Variants in RGS20 observed in about 807,000 individuals in gnomAD.
RGS20 encodes gz-selective GTPase-activating protein.
RGS20 carries 30 observed loss-of-function variants against 33.6 expected under a neutral mutation model. The observed-to-expected ratio is 0.89, with a 90% CI of 0.67 to 1.21. The LOEUF (loss-of-function observed/expected upper bound fraction) is 1.21. Among genes scored for constraint, RGS20 ranks in the 50% most tolerant of loss-of-function variants. The probability of loss-of-function intolerance (pLI) is 0.00; values close to 1 mark genes in which losing one functional copy is unlikely to be tolerated. For missense variants in RGS20, 472 were observed against 502.4 expected (o/e 0.94, Z 0.58); for synonymous variants, 208 against 197.9 (o/e 1.05, Z -0.43).
chr8:53,939,620 C>T lies in RGS20; in HGVS notation c.555C>T (p.Pro185=), dbSNP rs1814230223. 3.1e-6 allele frequency: 5 copies of T among 1,604,190 alleles called. No homozygotes were observed. In the Admixed American group the frequency reaches 6.8e-5, roughly 22 times the overall value. The change falls in exon 3 of 6, where the codon CCC becomes CCT. Residue 185 remains proline (P), a synonymous_variant. Coordinates refer to ENST00000297313, the MANE Select transcript of RGS20 (RefSeq NM_170587.4). ...TGGAGATGCGGAAGCGGCAGATGCC[C>T]GCCGCCCAGGACACACCAGGCGCCG...
intron 4 of RGS20, among the ~76,000 whole-genome samples, chr8:53,950,625 T>G (rs141071966): frequency 5.0e-4 from 76 of 152,174 alleles, no homozygotes; most frequent in Non-Finnish European, 9.4e-4. Context: ...GTTTTGTTTT[T>G]TTTTTTTTAG....
chr8:53,943,243 TC>T (rs1292322881), intron 3 of RGS20, among the ~76,000 whole-genome samples: 3 of 152,152 alleles, frequency 2.0e-5, no homozygotes, highest in Non-Finnish European at 4.4e-5. Flanking sequence ...TTGTTTTTTT[TC>T]ACCACACTTT....
At chr8:53,915,361 T>C (rs536992583) in intron 2 of RGS20, among the ~76,000 whole-genome samples, 1 of 152,112 alleles carries the variant, frequency 6.6e-6, no homozygotes, top group East Asian at 1.9e-4. Context: ...TATTGGTCAA[T>C]GGGAGTTCAG....
chr8:53,879,841 T>A (rs1458013213), intron 2 of RGS20: 1 of 425,022 alleles, frequency 2.4e-6, no homozygotes, highest in Non-Finnish European at 4.1e-6. Flanking sequence ...GCCATTTCCT[T>A]TCCATGGTCC....
At chr8:53,870,871 G>A (rs1812047029) in intron 1 of RGS20, among the ~76,000 whole-genome samples, 1 of 151,976 alleles carries the variant, frequency 6.6e-6, no homozygotes, top group Non-Finnish European at 1.5e-5. Context: ...CCAGCACTTT[G>A]GGAGGCTGAG....
In RGS20 at chr8:53,958,400, A is replaced by G. The variant is rs1814938031; in HGVS notation, c.1109A>G (p.Asn370Ser). The change falls in exon 6 of 6, where the codon AAC becomes AGC. Residue 370 changes from asparagine (N) to serine (S), a missense_variant. Around this residue, in one of 3 missense-constraint regions of RGS20, gnomAD observed 125 missense variants for 169.5 expected, o/e 0.74. Coordinates refer to ENST00000297313, the MANE Select transcript of RGS20 (RefSeq NM_170587.4). ...AGAGACTCATATCCTCGATTCATGA[A>G]CTCTGCTGTCTATAAGGACTTGCTT... 6.2e-7 allele frequency: 1 copy of G among 1,613,142 alleles called. No homozygotes were observed. The highest frequency in any genetic ancestry group is 1.3e-5 in the African/African-American group (1 of 74,870).
intron 4 of RGS20, among the ~76,000 whole-genome samples, chr8:53,947,332 T>TAA (rs1814527012): frequency 7.4e-6 from 1 of 135,782 alleles, no homozygotes; most frequent in Non-Finnish European, 1.5e-5. Context: ...ATATATGCTA[T>TAA]ATATAAGATA....
Position 53,879,536 on chromosome 8 carries a change from G to GC in RGS20, c.451dup (p.His151ProfsTer67), listed in dbSNP as rs35570213. 4.8e-5 allele frequency: 74 copies of GC among 1,541,744 alleles called. No homozygotes were observed. Among genetic ancestry groups the GC allele is most frequent in the African/African-American group, 2.5e-4 (18 of 71,808 alleles). On this transcript the variant is annotated frameshift_variant, in exon 2 of 6. Coordinates refer to ENST00000297313, the MANE Select transcript of RGS20 (RefSeq NM_170587.4). LOFTEE classifies it high-confidence loss of function. ...GACCCTCGGGGGGTCGTCCGCTGAG[G>GC]CCCCCCCATCCGGTAGCCAAGCCCA...
chr8:53,946,540 T>A (rs1785841168), intron 3 of RGS20, 125 bp from the exon 3 acceptor site: 1 of 853,196 alleles, frequency 1.2e-6, no homozygotes, highest in Non-Finnish European at 2.0e-6. Flanking sequence ...GGTCATTTTT[T>A]TTTCCAAGTA....
chr8:53,940,912 G>A (rs1401246652), intron 3 of RGS20, among the ~76,000 whole-genome samples: 1 of 152,186 alleles, frequency 6.6e-6, no homozygotes, highest in South Asian at 2.1e-4. Context: ...CACCAGTGAT[G>A]GCCAGACTGC....
intron 4 of RGS20, among the ~76,000 whole-genome samples, chr8:53,953,689 G>C (rs915176530): frequency 1.3e-5 from 2 of 151,862 alleles, no homozygotes; most frequent in African/African-American, 4.8e-5. Context: ...TGTCAAATCT[G>C]ACTTAGTTCT....
At chr8:53,949,236 A>G (rs549573538) in intron 4 of RGS20, among the ~76,000 whole-genome samples, 64 of 147,034 alleles carry the variant, frequency 4.4e-4, no homozygotes, top group African/African-American at 1.4e-3. Context: ...TATACTATAT[A>G]TAAGATACAG....
At chr8:53,949,452 C>T (rs1814648970) in intron 4 of RGS20, among the ~76,000 whole-genome samples, 1 of 151,700 alleles carries the variant, frequency 6.6e-6, no homozygotes, top group Non-Finnish European at 1.5e-5. Flanking sequence ...CACGGTGGCT[C>T]ACACCTGTAA....
chr8:53,902,600 C>T (rs1400484919), intron 2 of RGS20, among the ~76,000 whole-genome samples: 1 of 152,236 alleles, frequency 6.6e-6, no homozygotes, highest in African/African-American at 2.4e-5. Context: ...TGGGGATGTG[C>T]ATGCCATTCC....
At chr8:53,927,534 T>C (rs2129288007) in intron 2 of RGS20, among the ~76,000 whole-genome samples, 1 of 152,180 alleles carries the variant, frequency 6.6e-6, no homozygotes, top group African/African-American at 2.4e-5. Context: ...CCCACACATG[T>C]TAGCATATGA....
chr8:53,901,216 C>T (rs572703289), intron 2 of RGS20, among the ~76,000 whole-genome samples: 4 of 152,026 alleles, frequency 2.6e-5, no homozygotes, highest in East Asian at 1.9e-4. Context: ...TACAGATGCC[C>T]GTCACCACGC....
In RGS20 at chr8:53,955,129, G is replaced by A. The variant is rs562767329; in HGVS notation, c.978+819G>A. 2.9e-3 allele frequency among the ~76,000 whole-genome samples: 443 copies of A among 151,156 alleles called. 3 individuals carry two copies. Among genetic ancestry groups the A allele is most frequent in the African/African-American group, 0.01 (432 of 41,206 alleles). ...GTGCAGCTGTTTTCTACATTTTGCA[G>A]TTGATGTTCTGGGTCAAGCTGAACA... On this transcript the variant is annotated intron_variant, in intron 5 of 5. Transcript: ENST00000297313.
chr8:53,945,780 G>A (rs1359584673), intron 3 of RGS20, among the ~76,000 whole-genome samples: 2 of 152,126 alleles, frequency 1.3e-5, no homozygotes, highest in South Asian at 2.1e-4. Flanking sequence ...GCACATGCCT[G>A]TAGTCCCAGC....
At chr8:53,869,852 A>G (rs191818354) in intron 1 of RGS20, among the ~76,000 whole-genome samples, 1 of 152,306 alleles carries the variant, frequency 6.6e-6, no homozygotes, top group Non-Finnish European at 1.5e-5. Context: ...AAATTGGCCA[A>G]GAGAGCAGAG....
Sources: gnomAD v4.1 joint callset for allele counts (sites outside exome capture counted in the v4.1 genomes callset) on GRCh38, gnomAD v4.1.1 for gene constraint, gnomAD v4.1.1 regional missense constraint, MANE v1.5 for transcripts, NCBI Gene and HGNC (gene_info 2026-07-23, HGNC 2026-07-21) for gene names.